The following GREM1 variants were observed in gnomAD, a reference collection of about 807,000 sequenced individuals.
GREM1 encodes gremlin 1, DAN family BMP antagonist, also known as gremlin-1.
In GREM1, 6 loss-of-function variants were observed where a neutral mutation model predicts 13.1. The ratio of observed to expected loss-of-function variants is 0.46; its 90% confidence interval spans 0.25 to 0.91. The LOEUF (loss-of-function observed/expected upper bound fraction) is 0.91, where lower values mean the gene tolerates loss of function less well. Among genes scored for constraint, GREM1 ranks in the 40% least tolerant of loss-of-function variants. The probability of loss-of-function intolerance (pLI) is 0.18; values close to 1 mark genes in which losing one functional copy is unlikely to be tolerated. For missense variants in GREM1, 185 were observed against 233.9 expected (o/e 0.79, Z 1.36); for synonymous variants, 98 against 93.7 (o/e 1.05, Z -0.27).
rs140081414 is a variant in GREM1 at position 32,733,541 on chromosome 15, G to T, written c.*2296G>T. On this transcript the variant is annotated 3_prime_UTR_variant, in exon 2 of 2. Transcript: ENST00000651154. ...GAATTTCCTCAACACTAACTTCACT[G>T]GGATAATCAGCAGCGTAACTACCCT... The T allele has an allele frequency of 5.4e-3, 1,270 of 233,238 alleles. 48 individuals are homozygous for T. The Admixed American group carries it at 0.068, about 12-fold the overall frequency. 14.4% of individuals were successfully genotyped at this position (233,238 alleles called of 1,614,324 possible). A position where few individuals can be genotyped will look rare whatever the true frequency, so the allele number is the denominator to read the frequency against.
At chr15:32,720,813 T>C (rs748020480) in intron 1 of GREM1, among the ~76,000 whole-genome samples, 12 of 152,174 alleles carry the variant, frequency 7.9e-5, no homozygotes, top group Non-Finnish European at 1.3e-4. Context: ...TGGGTGTCAA[T>C]AGGACAGTGG....
chr15:32,738,125 A>AAAAAAAAACAAAC lies in GREM1; in HGVS notation c.*6888_*6889insCAAACAAAAAAAA. On this transcript the variant is annotated 3_prime_UTR_variant, in exon 2 of 2. Transcript: ENST00000651154. ...AAAAAAAAAAAAAAAAAAAAAAAAA[A>AAAAAAAAACAAAC]AAAAAAAAGAAAAGAAAAAAGTCAT... 5 of 27,986 alleles carry AAAAAAAAACAAAC rather than the reference A, an allele frequency of 1.8e-4. No individual in the cohort carries two copies. In the South Asian group the frequency reaches 1.0e-2, roughly 56 times the overall value. 1.7% of individuals were successfully genotyped at this position (27,986 alleles called of 1,614,324 possible).
chr15:32,723,151 C>A (rs1595845622), intron 1 of GREM1, among the ~76,000 whole-genome samples: 1 of 152,330 alleles, frequency 6.6e-6, no homozygotes, highest in East Asian at 1.9e-4. Flanking sequence ...CTACATGTTG[C>A]TGTGGAAAAG....
At position 32,734,728 on chromosome 15, in the gene GREM1, C is replaced by A. The variant is rs1217963009; in HGVS notation, c.*3483C>A. 3 of 209,466 alleles carry A rather than the reference C, an allele frequency of 1.4e-5. No homozygotes were observed. Among genetic ancestry groups the A allele is most frequent in the Non-Finnish European group, 2.9e-5 (3 of 101,806 alleles). The allele number at this position is 209,466 out of a possible 1,614,324, so 13.0% of individuals were successfully genotyped here. On this transcript the variant is annotated 3_prime_UTR_variant, in exon 2 of 2. Transcript: ENST00000651154. ...CTAGGGCAGAGGTGGAGCAGGGATGCACTTATCATGGGAAGGGAGGTAGAA... is the reference window on the plus strand; with the variant it reads ...CTAGGGCAGAGGTGGAGCAGGGATGAACTTATCATGGGAAGGGAGGTAGAA...
rs565249405 is a variant in GREM1 at position 32,739,045 on chromosome 15, G to A, written c.*7800G>A. ...TATTTTTATTCAATATTGTTCTGGA[G>A]GTTCTAGCTAGGGCAATTAGGCAAA... On this transcript the variant is annotated 3_prime_UTR_variant, in exon 2 of 2. Coordinates refer to ENST00000651154, the MANE Select transcript of GREM1 (RefSeq NM_013372.7). 6.6e-6 allele frequency: 1 copy of A among 152,098 alleles called. No homozygotes were observed. The highest frequency in any genetic ancestry group is 1.5e-5 in the Non-Finnish European group (1 of 68,016). The allele number at this position is 152,098 out of a possible 1,614,324, so 9.4% of individuals were successfully genotyped here.
At position 32,739,995 on chromosome 15, in the gene GREM1, G is replaced by C. The variant is rs2055747299; in HGVS notation, c.*8750G>C. The stretch of plus-strand genomic sequence containing the variant: ...AGAGGTTTAGACCAGTAGATGACAT[G>C]GCACCCTGCCCTCTACTGCCTCACC... On this transcript the variant is annotated 3_prime_UTR_variant, in exon 2 of 2. Transcript: ENST00000651154. 1 of 152,210 alleles carries C rather than the reference G, an allele frequency of 6.6e-6. No homozygotes were observed. Among genetic ancestry groups the C allele is most frequent in the South Asian group, 2.1e-4 (1 of 4,820 alleles). The allele number at this position is 152,210 out of a possible 1,614,324, so 9.4% of individuals were successfully genotyped here.
At chr15:32,722,789 A>G (rs115257290) in intron 1 of GREM1, among the ~76,000 whole-genome samples, 61 of 152,312 alleles carry the variant, frequency 4.0e-4, no homozygotes, top group African/African-American at 1.4e-3. Flanking sequence ...GCAAAGAGAA[A>G]AAAAGGTGGA....
rs891039758 is a variant in GREM1, at chr15:32,735,610, C to G, written c.*4365C>G. 2.0e-5 allele frequency: 3 copies of G among 152,144 alleles called. No homozygotes were observed. Among genetic ancestry groups the G allele is most frequent in the African/African-American group, 7.2e-5 (3 of 41,436 alleles). The allele number at this position is 152,144 out of a possible 1,614,324, so 9.4% of individuals were successfully genotyped here. A position where few individuals can be genotyped will look rare whatever the true frequency, so the allele number is the denominator to read the frequency against. On this transcript the variant is annotated 3_prime_UTR_variant, in exon 2 of 2. Coordinates refer to ENST00000651154, the MANE Select transcript of GREM1 (RefSeq NM_013372.7). ...GATCTGAAGCATTCAGTCAAAGCCT[C>G]TTGGCCACCTCTCTTTTTGTCATGG...
At position 32,735,651 on chromosome 15, in the gene GREM1, AG is replaced by A. The variant is rs1463709251; in HGVS notation, c.*4411del. ...TTTGTCATGGCCTTCTTGGACTTGG[AG>A]GGGGAGAATGGAAGCAAGTACCAAG... On this transcript the variant is annotated 3_prime_UTR_variant, in exon 2 of 2. Coordinates refer to ENST00000651154, the MANE Select transcript of GREM1 (RefSeq NM_013372.7). 1 of 151,752 alleles carries A rather than the reference AG, an allele frequency of 6.6e-6. No homozygotes were observed. The highest frequency in any genetic ancestry group is 1.9e-4 in the East Asian group (1 of 5,148). 9.4% of individuals were successfully genotyped at this position (151,752 alleles called of 1,614,324 possible). A position where few individuals can be genotyped will look rare whatever the true frequency, so the allele number is the denominator to read the frequency against.
At chr15:32,730,446 G>A (rs1417515174) in intron 1 of GREM1, among the ~76,000 whole-genome samples, 2 of 152,208 alleles carry the variant, frequency 1.3e-5, no homozygotes, top group East Asian at 3.8e-4. Flanking sequence ...AGAAGAGCTA[G>A]GCCCTGGCTG....
rs35332609 is a variant in GREM1, at chr15:32,718,058, C to T, written c.-105C>T. On this transcript the variant is annotated 5_prime_UTR_variant, in exon 1 of 2. Coordinates refer to ENST00000651154, the MANE Select transcript of GREM1 (RefSeq NM_013372.7). The stretch of plus-strand genomic sequence containing the variant: ...CCCAGTGCACGGCCGCCGCGTCACT[C>T]TCGGTCCCGCTGACCCCGCGCCGAG... 3 of 1,189,090 alleles carry T rather than the reference C, an allele frequency of 2.5e-6. No individual in the cohort carries two copies. The highest frequency in any genetic ancestry group is 4.5e-5 in the East Asian group (1 of 22,126). The allele number at this position is 1,189,090 out of a possible 1,614,324, so 73.7% of individuals were successfully genotyped here. A position where few individuals can be genotyped will look rare whatever the true frequency, so the allele number is the denominator to read the frequency against.
chr15:32,723,862 G>A (rs2055453605), intron 1 of GREM1, among the ~76,000 whole-genome samples: 1 of 152,234 alleles, frequency 6.6e-6, no homozygotes, highest in African/African-American at 2.4e-5. Flanking sequence ...GACATTTGGA[G>A]TTTTCCAAGA....
intron 1 of GREM1, among the ~76,000 whole-genome samples, chr15:32,727,783 T>G (rs922513837): frequency 2.6e-5 from 4 of 152,228 alleles, no homozygotes; most frequent in Non-Finnish European, 4.4e-5. Flanking sequence ...GATAAGCAAC[T>G]TCAGCAAAGT....
Position 32,741,466 on chromosome 15 carries a change from T to C in GREM1, c.*10221T>C, listed in dbSNP as rs2055760405. The C allele has an allele frequency of 6.6e-6, 1 of 152,098 alleles. No homozygotes were observed. Among genetic ancestry groups the C allele is most frequent in the Non-Finnish European group, 1.5e-5 (1 of 67,994 alleles). 9.4% of individuals were successfully genotyped at this position (152,098 alleles called of 1,614,324 possible). On this transcript the variant is annotated 3_prime_UTR_variant, in exon 2 of 2. Transcript: ENST00000651154. ...TACAAATAGCATTGTTTTCCTAATT[T>C]TTGTTTAAGATAGTTCATCGTTGGT...
rs1032236245 is a variant in GREM1, at chr15:32,721,514, C to G, written c.-2+3353C>G. Among the ~76,000 whole-genome samples the G allele has an allele frequency of 2.0e-5, 3 of 152,190 alleles. No homozygotes were observed. In the East Asian group the frequency reaches 5.8e-4, roughly 29 times the overall value. Reference sequence around the variant, plus strand: ...TCACGCTTGTAATCCTAAGCACTTTCGGAGACTGAGGCAGGCGGATCACGA... The same window carrying G: ...TCACGCTTGTAATCCTAAGCACTTTGGGAGACTGAGGCAGGCGGATCACGA... On this transcript the variant is annotated intron_variant, in intron 1 of 1. Coordinates refer to ENST00000651154, the MANE Select transcript of GREM1 (RefSeq NM_013372.7).
rs2055684956 is a variant in GREM1, at chr15:32,735,447, TGCAAAACTGTGA to T, written c.*4207_*4218del. The T allele has an allele frequency of 6.6e-6, 1 of 152,200 alleles. No homozygotes were observed. The highest frequency in any genetic ancestry group is 1.5e-5 in the Non-Finnish European group (1 of 68,040). 9.4% of individuals were successfully genotyped at this position (152,200 alleles called of 1,614,324 possible). A position where few individuals can be genotyped will look rare whatever the true frequency, so the allele number is the denominator to read the frequency against. ...TGTGGCACTGGGTCCTTAAACATTATGCAAAACTGTGAGCAACTTTTATCGGTTTGTTCTTTT... is the reference window on the plus strand; with the variant it reads ...TGTGGCACTGGGTCCTTAAACATTATGCAACTTTTATCGGTTTGTTCTTTT... On this transcript the variant is annotated 3_prime_UTR_variant, in exon 2 of 2. Coordinates refer to ENST00000651154, the MANE Select transcript of GREM1 (RefSeq NM_013372.7).
chr15:32,733,486 A>C lies in GREM1; in HGVS notation c.*2241A>C, dbSNP rs915201424. ...TTAGGAGCTTGTACCACAGTCTTGC[A>C]CATAAGTGCAGATTTGGCTCAAGTA... On this transcript the variant is annotated 3_prime_UTR_variant, in exon 2 of 2. Transcript: ENST00000651154. 4.3e-6 allele frequency: 1 copy of C among 232,248 alleles called. No individual in the cohort carries two copies. Among genetic ancestry groups the C allele is most frequent in the African/African-American group, 2.2e-5 (1 of 44,564 alleles). The allele number at this position is 232,248 out of a possible 1,614,324, so 14.4% of individuals were successfully genotyped here.
rs80340823 is a variant in GREM1, at chr15:32,720,664, G to A, written c.-2+2503G>A. On this transcript the variant is annotated intron_variant, in intron 1 of 1. Transcript: ENST00000651154. ...CTCTTAGAAATTCAAAGTACAACAG[G>A]AATTCCTGGGACAAGAGAAATCTTT... Among the ~76,000 whole-genome samples the A allele has an allele frequency of 6.5e-3, 991 of 152,284 alleles. 5 individuals carry two copies. The highest frequency in any genetic ancestry group is 8.9e-3 in the Non-Finnish European group (605 of 68,024).
Position 32,741,203 on chromosome 15 carries a change from A to C in GREM1, c.*9958A>C, listed in dbSNP as rs2055758401. 1 of 152,194 alleles carries C rather than the reference A, an allele frequency of 6.6e-6. No homozygotes were observed. The highest frequency in any genetic ancestry group is 2.4e-5 in the African/African-American group (1 of 41,452). 9.4% of individuals were successfully genotyped at this position (152,194 alleles called of 1,614,324 possible). A position where few individuals can be genotyped will look rare whatever the true frequency, so the allele number is the denominator to read the frequency against. On this transcript the variant is annotated 3_prime_UTR_variant, in exon 2 of 2. Transcript: ENST00000651154. ...TTTAAAGTGAATGGTCTGGAAGGCAAGGAAGCTCATTCCAACAGATTCATG... is the reference window on the plus strand; with the variant it reads ...TTTAAAGTGAATGGTCTGGAAGGCACGGAAGCTCATTCCAACAGATTCATG...
Sources: allele counts gnomAD v4.1 joint callset (sites outside exome capture counted in the v4.1 genomes callset), GRCh38; gene constraint gnomAD v4.1.1; transcripts MANE v1.5; gene names NCBI Gene and HGNC (gene_info 2026-07-23, HGNC 2026-07-21).